The following SDK2 variants were observed in gnomAD, a reference collection of about 807,000 sequenced individuals.
The protein encoded by SDK2 is protein sidekick-2.
SDK2 carries 105 observed loss-of-function variants against 253.9 expected under a neutral mutation model. The ratio of observed to expected loss-of-function variants is 0.41; its 90% CI spans 0.35 to 0.49. SDK2 has a LOEUF of 0.49. SDK2 is among the 20% of genes least tolerant of loss of function. The pLI is 0.06. For missense variants in SDK2, 2,608 were observed against 3,003.0 expected (o/e 0.87, Z 3.07); for synonymous variants, 1,249 against 1,234.9 (o/e 1.01, Z -0.24).
chr17:73,529,454 C>A (rs774059390), intron 1 of SDK2, among the ~76,000 whole-genome samples: 10 of 152,080 alleles, frequency 6.6e-5, no homozygotes, highest in Non-Finnish European at 1.3e-4. Flanking sequence ...GTTAATAAAC[C>A]ATAGGCAAAT....
At chr17:73,409,612 A>G (rs1168594174) in intron 18 of SDK2, among the ~76,000 whole-genome samples, 1 of 152,078 alleles carries the variant, frequency 6.6e-6, no homozygotes, top group African/African-American at 2.4e-5. Context: ...CCCGGGCAAT[A>G]AGAGCAAAAC....
chr17:73,362,034 G>A (rs568791520), intron 38 of SDK2, among the ~76,000 whole-genome samples, 189 bp from the exon 39 acceptor site: 17 of 152,298 alleles, frequency 1.1e-4, no homozygotes, highest in Middle Eastern at 3.4e-3. Flanking sequence ...CTCACAGCAC[G>A]GTCCTGCCTG....
Position 73,644,413 on chromosome 17 carries a change from G to A in SDK2, c.-325C>T, listed in dbSNP as rs1200121632. ...TTCTCCCAAACAGGGCGGCCTCTGCGATCCGGCCGGGTCGCCGGCCGAGCT... is the reference window on the plus strand; with the variant it reads ...TTCTCCCAAACAGGGCGGCCTCTGCAATCCGGCCGGGTCGCCGGCCGAGCT... On this transcript the variant is annotated 5_prime_UTR_variant, in exon 1 of 45. Coordinates refer to ENST00000392650, the MANE Select transcript of SDK2 (RefSeq NM_001144952.2). The surrounding 1 kb of genome is among the most constrained non-coding windows in gnomAD (Gnocchi z 6.3). 6.6e-6 allele frequency among the ~76,000 whole-genome samples: 1 copy of A among 152,102 alleles called. No homozygotes were observed. The highest frequency in any genetic ancestry group is 1.5e-5 in the Non-Finnish European group (1 of 67,990).
chr17:73,378,709 C>T (rs143951696), intron 36 of SDK2, among the ~76,000 whole-genome samples: 24 of 152,122 alleles, frequency 1.6e-4, no homozygotes, highest in Admixed American at 5.9e-4. Context: ...TGTGAGCCAC[C>T]GCGCCCAGCC....
chr17:73,602,604 T>C (rs1406696735), intron 1 of SDK2, among the ~76,000 whole-genome samples: 4 of 152,010 alleles, frequency 2.6e-5, no homozygotes, highest in Admixed American at 6.6e-5. Flanking sequence ...ATGACATTTT[T>C]CCCATTCTCA....
chr17:73,388,577 T>C (rs1190491840), intron 29 of SDK2, among the ~76,000 whole-genome samples: 1 of 152,112 alleles, frequency 6.6e-6, no homozygotes, highest in Non-Finnish European at 1.5e-5. Context: ...CTCAGCAGTG[T>C]CCCTGGCCTC....
chr17:73,594,594 G>GC (rs1816860479), intron 1 of SDK2, among the ~76,000 whole-genome samples: 1 of 129,106 alleles, frequency 7.7e-6, no homozygotes, highest in Non-Finnish European at 1.7e-5. Context: ...ATGGGACAAT[G>GC]AACACACACA....
Position 73,443,323 on chromosome 17 carries a change from A to C in SDK2, c.614-2400T>G, listed in dbSNP as rs1441585114. On this transcript the variant is annotated intron_variant, in intron 5 of 44. Transcript: ENST00000392650. This position sits in a 1 kb window ranked among gnomAD's most constrained non-coding sequence, Gnocchi z 4.6. ...AAGCATATAAAGCAAAATAATTGCA[A>C]CAATATAAAAGCCTCATGTAGGTGC... Among the ~76,000 whole-genome samples, 1 of 152,276 alleles carries C rather than the reference A, an allele frequency of 6.6e-6. No individual in the cohort carries two copies. The highest frequency in any genetic ancestry group is 2.4e-5 in the African/African-American group (1 of 41,478).
chr17:73,350,281 G>C lies in SDK2; in HGVS notation c.5994C>G (p.Leu1998=). The C allele has an allele frequency of 6.2e-7, 1 of 1,600,326 alleles. No homozygotes were observed. Among genetic ancestry groups the C allele is most frequent in the Non-Finnish European group, 8.5e-7 (1 of 1,174,362 alleles). Residue 1998 remains leucine, a synonymous_variant, in exon 43 of 45, where the codon CTC becomes CTG. Coordinates refer to ENST00000392650, the MANE Select transcript of SDK2 (RefSeq NM_001144952.2). ...FPALELNNRR[L]SVKNSFCRKN... is the part of the protein sequence containing the mutation. ...TTCGGCAGAAAGAGTTCTTGACGGA[G>C]AGCCGCCTGTTGTTGAGTTCCAGGG...
rs1464895417 is a variant in SDK2, at chr17:73,336,583, T to C, written c.*2004A>G. The C allele has an allele frequency of 1.3e-5, 2 of 152,674 alleles. No homozygotes were observed. The highest frequency in any genetic ancestry group is 4.8e-5 in the African/African-American group (2 of 41,442). 9.5% of individuals were successfully genotyped at this position (152,674 alleles called of 1,614,324 possible). On this transcript the variant is annotated 3_prime_UTR_variant, in exon 45 of 45. Coordinates refer to ENST00000392650, the MANE Select transcript of SDK2 (RefSeq NM_001144952.2). ...AAAACTCATGGCTGGGTGTGCCCGT[T>C]CTTTGGGCCCCAGACCCTGACTTCC...
Position 73,401,170 on chromosome 17 carries a change from G to A in SDK2, c.2821C>T (p.Arg941Cys), listed in dbSNP as rs143280778. ...SWEEYNRTNT[R>C]VTHYLPNVTL... ...ACGTTGGGCAGGTAGTGGGTCACAC[G>A]GGTGTTGGTTCGATTGTACTCCTCC... The change falls in exon 21 of 45, where the codon CGT becomes TGT. Residue 941 changes from arginine to cysteine, a missense_variant. Arg to Cys is a radical substitution (Grantham distance 180). Coordinates refer to ENST00000392650, the MANE Select transcript of SDK2 (RefSeq NM_001144952.2). 1,633 of 1,557,398 alleles carry A rather than the reference G, an allele frequency of 1.0e-3. 1 individual carries two copies. Among genetic ancestry groups the A allele is most frequent in the Middle Eastern group, 2.7e-3 (16 of 5,998 alleles).
intron 4 of SDK2, among the ~76,000 whole-genome samples, chr17:73,452,636 C>T (rs1419476386): frequency 6.6e-6 from 1 of 152,042 alleles, no homozygotes; most frequent in Non-Finnish European, 1.5e-5. Context: ...AGGGTTTCAC[C>T]CACCACAACA....
At position 73,361,915 on chromosome 17, in the gene SDK2, G is replaced by T. The variant is rs2062644663; in HGVS notation, c.5306-70C>A. 17 of 1,464,442 alleles carry T rather than the reference G, an allele frequency of 1.2e-5. No individual in the cohort carries two copies. The highest frequency in any genetic ancestry group is 1.5e-5 in the Non-Finnish European group (16 of 1,089,314). The allele number at this position is 1,464,442 out of a possible 1,614,324, so 90.7% of individuals were successfully genotyped here. On this transcript the variant is annotated intron_variant, in intron 38 of 44. Transcript: ENST00000392650. The surrounding 1 kb of genome is among the most constrained non-coding windows in gnomAD (Gnocchi z 4.1). ...AGGGCACTGGAGGCCATGGGGAAGG[G>T]GAAGCGGCCGTGGCCTGGGCCCCGG...
chr17:73,484,359 G>A (rs989222057), intron 2 of SDK2, among the ~76,000 whole-genome samples: 2 of 152,172 alleles, frequency 1.3e-5, no homozygotes, highest in African/African-American at 4.8e-5. Context: ...CCACTTCTCC[G>A]GGCTCACTCC....
At position 73,616,489 on chromosome 17, in the gene SDK2, G is replaced by C. The variant is rs1019889564; in HGVS notation, c.64+27536C>G. Among the ~76,000 whole-genome samples the C allele has an allele frequency of 6.6e-6, 1 of 152,188 alleles. No individual in the cohort carries two copies. The highest frequency in any genetic ancestry group is 6.5e-5 in the Admixed American group (1 of 15,284). On this transcript the variant is annotated intron_variant, in intron 1 of 44. Coordinates refer to ENST00000392650, the MANE Select transcript of SDK2 (RefSeq NM_001144952.2). This position sits in a 1 kb window ranked among gnomAD's most constrained non-coding sequence, Gnocchi z 5.2. Reference sequence around the variant, plus strand: ...TGTCGCAATGCTTAGGCCTGAGCACGCATTTGTCTTTGTTTGGTTTGTTGC... The same window carrying C: ...TGTCGCAATGCTTAGGCCTGAGCACCCATTTGTCTTTGTTTGGTTTGTTGC...
intron 4 of SDK2, among the ~76,000 whole-genome samples, chr17:73,454,720 T>C (rs952537164): frequency 6.6e-6 from 1 of 152,080 alleles, no homozygotes; most frequent in Admixed American, 6.6e-5. Flanking sequence ...TTATTTGAGA[T>C]GGAGTCTGGT....
intron 1 of SDK2, among the ~76,000 whole-genome samples, chr17:73,559,160 CA>C (rs1431787764): frequency 6.6e-6 from 1 of 152,166 alleles, no homozygotes; most frequent in Non-Finnish European, 1.5e-5. Context: ...AAGCAACACC[CA>C]GATCCTGAAA....
At chr17:73,388,751 TCC>T (rs2062895915) in intron 29 of SDK2, among the ~76,000 whole-genome samples, 1 of 79,844 alleles carries the variant, frequency 1.3e-5, no homozygotes, top group Non-Finnish European at 2.9e-5. Flanking sequence ...CTTCCCTCCC[TCC>T]TTCCTTCCTT....
chr17:73,630,981 C>T (rs1196522180), intron 1 of SDK2, among the ~76,000 whole-genome samples: 1 of 152,124 alleles, frequency 6.6e-6, no homozygotes, highest in African/African-American at 2.4e-5. Context: ...TAAATGCCAA[C>T]ACCTCCCTTC....
Sources: gnomAD v4.1 joint callset for allele counts (sites outside exome capture counted in the v4.1 genomes callset) on GRCh38, gnomAD v4.1.1 for gene constraint, Gnocchi (gnomAD v3.1) non-coding constraint, MANE v1.5 for transcripts, NCBI Gene and HGNC (gene_info 2026-07-23, HGNC 2026-07-21) for gene names.